SNTB2: variants seen among roughly 807,000 people sequenced by gnomAD.
SNTB2 encodes syntrophin beta 2.
Under a neutral mutation model 46.2 loss-of-function variants are expected in SNTB2, and 34 were observed. The ratio of observed to expected loss-of-function variants is 0.74; its 90% confidence interval spans 0.56 to 0.98. The LOEUF is 0.98. SNTB2 is among the 50% of genes least tolerant of loss of function. The pLI, the probability that SNTB2 is intolerant of heterozygous loss-of-function variation, is 0.00. For synonymous variants in SNTB2, 290 were observed against 312.6 expected, an observed-to-expected ratio of 0.93 and a Z score of 0.76; for missense variants, 603 against 731.4, an observed-to-expected ratio of 0.82 and a Z score of 2.02.
In SNTB2 at chr16:69,249,098, T is replaced by C. The variant is rs1964700979; in HGVS notation, c.794+3283T>C. On this transcript the variant is annotated intron_variant, in intron 2 of 6. Coordinates refer to ENST00000336278, the MANE Select transcript of SNTB2 (RefSeq NM_006750.4). ...TAGAGTACAATGGCCTGGTCTCAGCTCACTGCAACCTCTGCCTCCTGGGCT... is the reference window on the plus strand; with the variant it reads ...TAGAGTACAATGGCCTGGTCTCAGCCCACTGCAACCTCTGCCTCCTGGGCT... Among the ~76,000 whole-genome samples, 4 of 149,870 alleles carry C rather than the reference T, an allele frequency of 2.7e-5. No individual in the cohort carries two copies. In the South Asian group the frequency reaches 8.6e-4, roughly 32 times the overall value.
Position 69,300,992 on chromosome 16 carries a change from A to G in SNTB2, c.*68A>G, listed in dbSNP as rs1597206718. 1.0e-6 allele frequency: 1 copy of G among 955,152 alleles called. No individual in the cohort carries two copies. The allele number at this position is 955,152 out of a possible 1,614,324, so 59.2% of individuals were successfully genotyped here. A position where few individuals can be genotyped will look rare whatever the true frequency, so the allele number is the denominator to read the frequency against. ...ATTTCCACCTCAAAAAAAAAAAAGC[A>G]CAAAAAGAAACTCTTTGCTCTCCTT... On this transcript the variant is annotated 3_prime_UTR_variant, in exon 7 of 7. Coordinates refer to ENST00000336278, the MANE Select transcript of SNTB2 (RefSeq NM_006750.4).
intron 1 of SNTB2, among the ~76,000 whole-genome samples, chr16:69,235,119 T>C (rs1964545525): frequency 6.6e-6 from 1 of 150,584 alleles, no homozygotes. Flanking sequence ...CAAGCAATGC[T>C]CTTTGCCTCA....
At chr16:69,205,463 G>A (rs1476574880) in intron 1 of SNTB2, among the ~76,000 whole-genome samples, 1 of 151,696 alleles carries the variant, frequency 6.6e-6, no homozygotes, top group Non-Finnish European at 1.5e-5. Context: ...CTCCCAAAAT[G>A]CTGGGATTAC....
intron 1 of SNTB2, among the ~76,000 whole-genome samples, chr16:69,235,297 A>C (rs1964548057): frequency 6.6e-6 from 1 of 152,074 alleles, no homozygotes; most frequent in African/African-American, 2.4e-5. Context: ...TACGTAGAAT[A>C]GGTGAATGGG....
At chr16:69,292,785 G>T (rs115181543) in intron 5 of SNTB2, among the ~76,000 whole-genome samples, 3,496 of 151,602 alleles carry the variant, frequency 0.023, 136 homozygotes, top group African/African-American at 0.08. Flanking sequence ...TCAATTTTTT[G>T]ATTTATTATT....
Position 69,187,620 on chromosome 16 carries a change from G to T in SNTB2, c.454G>T (p.Asp152Tyr). 1.9e-6 allele frequency: 3 copies of T among 1,557,524 alleles called. No homozygotes were observed. Among genetic ancestry groups the T allele is most frequent in the Non-Finnish European group, 2.6e-6 (3 of 1,156,638 alleles). ...ISKIFPGLAADQSRALRLGDA... is the reference protein window; with the variant it reads ...ISKIFPGLAAYQSRALRLGDA... Reference sequence around the variant, plus strand: ...CAAGATCTTCCCCGGGCTGGCTGCCGACCAGAGCCGGGCGCTGCGGCTGGG... The same window carrying T: ...CAAGATCTTCCCCGGGCTGGCTGCCTACCAGAGCCGGGCGCTGCGGCTGGG... Residue 152 changes from aspartate to tyrosine, a missense_variant, in exon 1 of 7, where the codon GAC becomes TAC. This residue lies in a region of SNTB2 where 537 missense variants were observed against 692.4 expected (regional missense o/e 0.78). Coordinates refer to ENST00000336278, the MANE Select transcript of SNTB2 (RefSeq NM_006750.4).
intron 1 of SNTB2, among the ~76,000 whole-genome samples, chr16:69,208,270 G>A (rs943622553): frequency 6.6e-6 from 1 of 151,946 alleles, no homozygotes; most frequent in South Asian, 2.1e-4. Context: ...GCCGGACATG[G>A]TGGTGCATGT....
chr16:69,210,538 A>G (rs1454904235), intron 1 of SNTB2, among the ~76,000 whole-genome samples: 1 of 143,106 alleles, frequency 7.0e-6, no homozygotes, highest in African/African-American at 2.6e-5. Context: ...GCGCCCGGCC[A>G]TATTATGTTT....
intron 1 of SNTB2, among the ~76,000 whole-genome samples, chr16:69,228,901 G>A (rs1345461386): frequency 6.6e-6 from 1 of 152,040 alleles, no homozygotes; most frequent in African/African-American, 2.4e-5. Context: ...ACAAATAAAC[G>A]GTAATATCAA....
chr16:69,300,423 C>T (rs989336692), intron 6 of SNTB2, among the ~76,000 whole-genome samples: 3 of 151,804 alleles, frequency 2.0e-5, no homozygotes, highest in Non-Finnish European at 4.4e-5. Flanking sequence ...GCTAATTTTT[C>T]GTATTTTTAG....
At chr16:69,271,554 A>G (rs1964937882) in intron 4 of SNTB2, among the ~76,000 whole-genome samples, 1 of 152,218 alleles carries the variant, frequency 6.6e-6, no homozygotes. Flanking sequence ...CTTAAGTTAT[A>G]GTTTCTCTGT....
chr16:69,240,751 A>G (rs1964603719), intron 1 of SNTB2: 1 of 152,262 alleles, frequency 6.6e-6, no homozygotes, highest in Non-Finnish European at 1.5e-5. Flanking sequence ...GTTGATGTTT[A>G]TAAAAGAGGT....
chr16:69,210,792 A>C (rs1964275692), intron 1 of SNTB2, among the ~76,000 whole-genome samples: 1 of 152,150 alleles, frequency 6.6e-6, no homozygotes, highest in Non-Finnish European at 1.5e-5. Context: ...CAGGAGTTCC[A>C]GACTAGCATG....
intron 1 of SNTB2, among the ~76,000 whole-genome samples, 172 bp from the exon 2 acceptor site, chr16:69,245,430 A>T (rs772797624): frequency 2.6e-5 from 4 of 152,018 alleles, no homozygotes; most frequent in Non-Finnish European, 5.9e-5. Flanking sequence ...CCTGACCTCA[A>T]GTGATCCACC....
chr16:69,199,408 C>T (rs943732788), intron 1 of SNTB2, among the ~76,000 whole-genome samples: 1 of 151,754 alleles, frequency 6.6e-6, no homozygotes, highest in Non-Finnish European at 1.5e-5. Context: ...CAGCTAATCG[C>T]CTTCAAATCT....
intron 1 of SNTB2, among the ~76,000 whole-genome samples, chr16:69,216,115 C>T (rs1020414871): frequency 6.6e-6 from 1 of 152,158 alleles, no homozygotes; most frequent in African/African-American, 2.4e-5. Context: ...CTGCACCCAG[C>T]CCATTATGTA....
chr16:69,260,165 C>A lies in SNTB2; in HGVS notation c.910C>A (p.Pro304Thr). Residue 304 changes from proline (P) to threonine (T), a missense_variant, in exon 3 of 7, where the codon CCA becomes ACA. By Grantham distance (38) the Pro-to-Thr change is conservative. Coordinates refer to ENST00000336278, the MANE Select transcript of SNTB2 (RefSeq NM_006750.4). ...CCACACCAACATAATGGCTCTCCTC[C>A]CACAGGTGTTGGCTGAACTCAACGC... ...AIHTNIMALLPQVLAELNAML... is the reference protein window; with the variant it reads ...AIHTNIMALLTQVLAELNAML... 2 of 1,614,122 alleles carry A rather than the reference C, an allele frequency of 1.2e-6. No homozygotes were observed. Among genetic ancestry groups the A allele is most frequent in the Non-Finnish European group, 1.7e-6 (2 of 1,180,010 alleles).
At chr16:69,279,985 T>C (rs913346539) in intron 4 of SNTB2, among the ~76,000 whole-genome samples, 5 of 152,058 alleles carry the variant, frequency 3.3e-5, no homozygotes, top group African/African-American at 1.2e-4. Flanking sequence ...GGTCTCTGGT[T>C]TTCCTATGCA....
intron 4 of SNTB2, among the ~76,000 whole-genome samples, chr16:69,278,266 A>G (rs755976222): frequency 1.3e-5 from 2 of 152,124 alleles, no homozygotes; most frequent in Non-Finnish European, 2.9e-5. Context: ...CAGTGAGCCA[A>G]CACTGTGCTA....
Sources: allele counts gnomAD v4.1 joint callset (sites outside exome capture counted in the v4.1 genomes callset), GRCh38; gene constraint gnomAD v4.1.1; regional missense constraint gnomAD v4.1.1; transcripts MANE v1.5; gene names NCBI Gene and HGNC (gene_info 2026-07-23, HGNC 2026-07-21).